Variants in PDE1C observed in about 807,000 individuals in gnomAD.
The protein encoded by PDE1C is dual specificity calcium/calmodulin-dependent 3',5'-cyclic nucleotide phosphodiesterase 1C.
Under a neutral mutation model 93.1 loss-of-function variants are expected in PDE1C, and 62 were observed. That is an observed-to-expected ratio of 0.67 (90% CI 0.54 to 0.82). PDE1C has a LOEUF of 0.82. PDE1C is among the 40% of genes least tolerant of loss of function. The pLI is 0.00. For synonymous variants in PDE1C, 325 were observed against 310.1 expected (o/e 1.05, Z -0.50); for missense variants, 742 against 884.6 (o/e 0.84, Z 2.04).
intron 1 of PDE1C, among the ~76,000 whole-genome samples, chr7:32,378,192 C>T (rs1784466854): frequency 1.3e-5 from 2 of 152,186 alleles, no homozygotes; most frequent in South Asian, 2.1e-4. Flanking sequence ...TCCTCCCTTA[C>T]TCAGGCAGAT....
chr7:32,244,230 A>T (rs528480887), intron 1 of PDE1C, among the ~76,000 whole-genome samples: 1 of 152,206 alleles, frequency 6.6e-6, no homozygotes, highest in East Asian at 1.9e-4. Flanking sequence ...ATAGGGCCCA[A>T]GGAAGGAGGA....
intron 2 of PDE1C, among the ~76,000 whole-genome samples, chr7:32,170,204 A>C (rs531702536): frequency 1.3e-5 from 2 of 152,302 alleles, no homozygotes; most frequent in Non-Finnish European, 2.9e-5. Context: ...AGTGGTGATC[A>C]GCCCAAACTC....
intron 2 of PDE1C, among the ~76,000 whole-genome samples, chr7:31,983,320 A>G (rs1308103731): frequency 1.3e-5 from 2 of 152,226 alleles, no homozygotes; most frequent in Non-Finnish European, 2.9e-5. Flanking sequence ...AAGCTTCTAC[A>G]TAAAAGACAG....
chr7:31,778,155 C>T (rs1486421373), intron 16 of PDE1C, among the ~76,000 whole-genome samples: 7 of 152,150 alleles, frequency 4.6e-5, no homozygotes, highest in Admixed American at 2.0e-4. Context: ...GAAAGATTTA[C>T]GCAAAGTGAT....
chr7:32,214,182 T>C (rs1467527010), intron 1 of PDE1C, among the ~76,000 whole-genome samples: 2 of 151,992 alleles, frequency 1.3e-5, no homozygotes, highest in Non-Finnish European at 2.9e-5. Context: ...GACACATATA[T>C]ACATTTTATA....
At chr7:31,773,451 G>T (rs1192019446) in intron 17 of PDE1C, among the ~76,000 whole-genome samples, 2 of 152,042 alleles carry the variant, frequency 1.3e-5, no homozygotes, top group African/African-American at 2.4e-5. Context: ...ACCTGATCTA[G>T]CAAGGCTATG....
the PDE1C span, among the ~76,000 whole-genome samples, chr7:31,633,414 C>T: frequency 6.6e-6 from 1 of 152,320 alleles, no homozygotes; most frequent in African/African-American, 2.4e-5. Context: ...TAAGCACTAG[C>T]TAAATGACCA....
intron 2 of PDE1C, among the ~76,000 whole-genome samples, chr7:32,188,403 C>T (rs1804021308): frequency 6.6e-6 from 1 of 151,972 alleles, no homozygotes; most frequent in Non-Finnish European, 1.5e-5. Context: ...CTTTTCTGAC[C>T]TCCTACTACC....
At chr7:31,816,950 G>A (rs578079421) in intron 14 of PDE1C, among the ~76,000 whole-genome samples, 16 of 152,276 alleles carry the variant, frequency 1.1e-4, no homozygotes, top group African/African-American at 3.1e-4. Flanking sequence ...GCAGAAATGC[G>A]TAGGTTAAGT....
chr7:32,075,808 C>T (rs1309233697), upstream of PDE1C, among the ~76,000 whole-genome samples: 1 of 152,160 alleles, frequency 6.6e-6, no homozygotes, highest in Admixed American at 6.5e-5. Context: ...CCTCTCTCTG[C>T]CAGGATCCTT....
chr7:32,142,674 T>C (rs1800608200), intron 3 of PDE1C, among the ~76,000 whole-genome samples: 1 of 152,162 alleles, frequency 6.6e-6, no homozygotes, highest in Admixed American at 6.5e-5. Flanking sequence ...TCTCCTGTTC[T>C]CTGGATGTAC....
intron 2 of PDE1C, among the ~76,000 whole-genome samples, chr7:31,890,567 T>G (rs1430265933): frequency 6.6e-6 from 1 of 152,176 alleles, no homozygotes; most frequent in Non-Finnish European, 1.5e-5. Flanking sequence ...AATTGCATCA[T>G]GTTGGTATGA....
intron 3 of PDE1C, among the ~76,000 whole-genome samples, chr7:32,094,024 C>T (rs1350911445): frequency 1.3e-5 from 2 of 152,224 alleles, no homozygotes; most frequent in Non-Finnish European, 2.9e-5. Context: ...CCTTCTCCAG[C>T]AGGAATGTGT....
chr7:32,102,231 T>A (rs928242679), intron 3 of PDE1C, among the ~76,000 whole-genome samples: 1 of 152,330 alleles, frequency 6.6e-6, no homozygotes, highest in East Asian at 1.9e-4. Flanking sequence ...GTTTGTTCCC[T>A]CAAACCACAT....
At chr7:32,221,522 G>T (rs1165759214) in intron 1 of PDE1C, among the ~76,000 whole-genome samples, 1 of 152,126 alleles carries the variant, frequency 6.6e-6, no homozygotes, top group Non-Finnish European at 1.5e-5. Context: ...AGATGCTCTG[G>T]ACCAGGACCT....
Position 31,780,158 on chromosome 7 carries a change from C to A in PDE1C, c.1892-4426G>T, listed in dbSNP as rs528434872. Among the ~76,000 whole-genome samples, 50 of 152,216 alleles carry A rather than the reference C, an allele frequency of 3.3e-4. No individual in the cohort carries two copies. The South Asian group carries it at 0.01, about 32-fold the overall frequency. Reference sequence around the variant, plus strand: ...TGCTGTTTAGTTGGTCTGGGTGGGACCTGGGCATGAGGACTTTTTAATGTT... The same window carrying A: ...TGCTGTTTAGTTGGTCTGGGTGGGAACTGGGCATGAGGACTTTTTAATGTT... On this transcript the variant is annotated intron_variant, in intron 16 of 17. Coordinates refer to ENST00000396191, the MANE Select transcript of PDE1C (RefSeq NM_001191057.4).
At chr7:31,952,406 T>C (rs1381033127) in intron 2 of PDE1C, among the ~76,000 whole-genome samples, 4 of 152,030 alleles carry the variant, frequency 2.6e-5, no homozygotes, top group African/African-American at 9.7e-5. Context: ...TAAGCTACCA[T>C]GCCCAGCTAA....
At chr7:32,382,448 C>G (rs1015232405) in intron 1 of PDE1C, among the ~76,000 whole-genome samples, 7 of 152,190 alleles carry the variant, frequency 4.6e-5, no homozygotes, top group Admixed American at 1.3e-4. Flanking sequence ...TGCCAGAGCT[C>G]TCTCCAGAAA....
chr7:31,944,903 A>G (rs1262164038), intron 2 of PDE1C, among the ~76,000 whole-genome samples: 2 of 152,182 alleles, frequency 1.3e-5, no homozygotes, highest in African/African-American at 4.8e-5. Flanking sequence ...TAATTTTAGA[A>G]TAATTTTAGA....
Sources: allele counts gnomAD v4.1 joint callset (sites outside exome capture counted in the v4.1 genomes callset), GRCh38; gene constraint gnomAD v4.1.1; transcripts MANE v1.5; gene names NCBI Gene and HGNC (gene_info 2026-07-23, HGNC 2026-07-21).